Variants in SLIT2 observed in about 807,000 individuals in gnomAD.
SLIT2 encodes the protein slit guidance ligand 2.
Under a neutral mutation model 185.7 loss-of-function variants are expected in SLIT2, and 41 were observed. The observed-to-expected ratio is 0.22, with a 90% CI of 0.17 to 0.29. The LOEUF (loss-of-function observed/expected upper bound fraction) is 0.29, where lower values mean the gene tolerates loss of function less well. SLIT2 is among the 10% of genes least tolerant of loss of function. The pLI, the probability that SLIT2 is intolerant of heterozygous loss-of-function variation, is 1.00. For missense variants in SLIT2, 1,571 were observed against 1,909.0 expected (o/e 0.82, Z 3.30); for synonymous variants, 693 against 680.2 (o/e 1.02, Z -0.29).
chr4:20,347,238 T>G (rs906777921), intron 4 of SLIT2, among the ~76,000 whole-genome samples: 1 of 152,236 alleles, frequency 6.6e-6, no homozygotes, highest in Non-Finnish European at 1.5e-5. Context: ...GATGCTTCTC[T>G]GTTAGGTAAA....
At chr4:20,579,149 A>T (rs1417388302) in intron 29 of SLIT2, among the ~76,000 whole-genome samples, 2 of 151,924 alleles carry the variant, frequency 1.3e-5, no homozygotes, top group Non-Finnish European at 2.9e-5. Flanking sequence ...CAAAAAAAAA[A>T]ATCAGCTGGG....
intron 4 of SLIT2, among the ~76,000 whole-genome samples, chr4:20,385,815 A>G (rs1216307575): frequency 6.6e-6 from 1 of 152,122 alleles, no homozygotes; most frequent in African/African-American, 2.4e-5. Context: ...AATGAACACA[A>G]TTTTCATCTT....
chr4:20,395,359 G>T (rs61789404), intron 4 of SLIT2, among the ~76,000 whole-genome samples: 13,774 of 151,958 alleles, frequency 0.091, 693 homozygotes, highest in South Asian at 0.17. Context: ...GTTTTGTCAG[G>T]TACCTGCAGG....
chr4:20,281,084 C>T (rs776907159), intron 4 of SLIT2, among the ~76,000 whole-genome samples: 1 of 152,100 alleles, frequency 6.6e-6, no homozygotes, highest in Non-Finnish European at 1.5e-5. Context: ...CCGCCCGCCT[C>T]GGCCTCCCAA....
chr4:20,381,074 C>T (rs909899885), intron 4 of SLIT2, among the ~76,000 whole-genome samples: 1 of 151,724 alleles, frequency 6.6e-6, no homozygotes, highest in Admixed American at 6.6e-5. Context: ...GCCAACATGG[C>T]GAAACCCCGT....
intron 29 of SLIT2, among the ~76,000 whole-genome samples, chr4:20,581,417 A>G (rs915946551): frequency 1.1e-4 from 16 of 152,160 alleles, no homozygotes; most frequent in African/African-American, 3.1e-4. Flanking sequence ...GAGGGGCACA[A>G]TTGAATCCTC....
At chr4:20,284,067 G>A (rs1028064672) in intron 4 of SLIT2, among the ~76,000 whole-genome samples, 1 of 152,118 alleles carries the variant, frequency 6.6e-6, no homozygotes, top group Non-Finnish European at 1.5e-5. Context: ...AGTGAATGAG[G>A]GCCTTCCAAC....
At position 20,253,321 on chromosome 4, in the gene SLIT2, C is replaced by G. The variant is rs1203149429; in HGVS notation, c.-495C>G. 1 of 155,126 alleles carries G rather than the reference C, an allele frequency of 6.4e-6. No individual in the cohort carries two copies. Among genetic ancestry groups the G allele is most frequent in the Non-Finnish European group, 1.4e-5 (1 of 70,088 alleles). The allele number at this position is 155,126 out of a possible 1,614,324, so 9.6% of individuals were successfully genotyped here. Reference sequence around the variant, plus strand: ...CGCGCCTTCTAGCTTCCGGAGCCCACTTTGATCGGGGCCATAATACCTATT... The same window carrying G: ...CGCGCCTTCTAGCTTCCGGAGCCCAGTTTGATCGGGGCCATAATACCTATT... On this transcript the variant is annotated 5_prime_UTR_variant, in exon 1 of 37. Transcript: ENST00000504154.
In SLIT2 at chr4:20,563,824, G is replaced by A. The variant is rs1011741416; in HGVS notation, c.2726-3438G>A. 4.6e-5 allele frequency among the ~76,000 whole-genome samples: 7 copies of A among 151,488 alleles called. No individual in the cohort carries two copies. The South Asian group carries it at 1.2e-3, about 27-fold the overall frequency. On this transcript the variant is annotated intron_variant, in intron 26 of 36. Coordinates refer to ENST00000504154, the MANE Select transcript of SLIT2 (RefSeq NM_004787.4). ...CTAAGAAAGAGTGTCAGTACTTGCC[G>A]TAATTTTGTATTTGATCTCACTAGG... is the stretch of plus-strand genomic sequence containing the variant.
At chr4:20,271,210 T>C (rs2109033295) in intron 4 of SLIT2, among the ~76,000 whole-genome samples, 1 of 151,698 alleles carries the variant, frequency 6.6e-6, no homozygotes, top group South Asian at 2.1e-4. Context: ...AAACATATTT[T>C]TTTCACAAGA....
At chr4:20,614,926 A>G (rs1358507707) in intron 34 of SLIT2, 2 of 152,190 alleles carry the variant, frequency 1.3e-5, no homozygotes, top group East Asian at 3.9e-4. Flanking sequence ...TTTCATTTAC[A>G]AATTACTCTA....
At chr4:20,511,193 C>T (rs1293011821) in intron 11 of SLIT2, 56 bp downstream of exon 11, 7 of 1,019,958 alleles carry the variant, frequency 6.9e-6, no homozygotes, top group Non-Finnish European at 4.5e-6. Flanking sequence ...AGAGTGGCTA[C>T]CTTTTTTAAA....
chr4:20,575,191 C>T (rs531169337), intron 29 of SLIT2, among the ~76,000 whole-genome samples: 3 of 152,112 alleles, frequency 2.0e-5, no homozygotes, highest in Non-Finnish European at 4.4e-5. Context: ...TGTTTTAAAT[C>T]GCCATGTGGT....
intron 9 of SLIT2, among the ~76,000 whole-genome samples, chr4:20,503,712 A>C (rs922489532): frequency 2.6e-5 from 4 of 152,200 alleles, no homozygotes; most frequent in Admixed American, 6.5e-5. Context: ...TTAAATGCTT[A>C]AAGACCAAAT....
intron 24 of SLIT2, 55 bp downstream of exon 24, chr4:20,549,183 G>A: frequency 1.8e-6 from 2 of 1,106,674 alleles, no homozygotes; most frequent in Middle Eastern, 2.0e-4. Context: ...TGAGTTTGGG[G>A]TTGTCTTTTT....
chr4:20,450,626 A>T (rs2148713354), intron 4 of SLIT2, among the ~76,000 whole-genome samples: 1 of 152,348 alleles, frequency 6.6e-6, no homozygotes, highest in East Asian at 1.9e-4. Context: ...CTTCAATCCA[A>T]CTGGGTACAC....
chr4:20,567,024 C>T (rs529607852), intron 26 of SLIT2, among the ~76,000 whole-genome samples: 10 of 151,978 alleles, frequency 6.6e-5, no homozygotes, highest in African/African-American at 1.2e-4. Context: ...GATACCAACT[C>T]AGAGTCCCAC....
At chr4:20,292,315 G>C (rs971794534) in intron 4 of SLIT2, among the ~76,000 whole-genome samples, 13 of 152,266 alleles carry the variant, frequency 8.5e-5, no homozygotes, top group African/African-American at 3.1e-4. Context: ...TACTCAACGT[G>C]TGACTATTTA....
At chr4:20,356,711 T>C (rs949483860) in intron 4 of SLIT2, among the ~76,000 whole-genome samples, 1 of 152,172 alleles carries the variant, frequency 6.6e-6, no homozygotes, top group Non-Finnish European at 1.5e-5. Context: ...AGACTCCCCT[T>C]TAATGGATCT....
Sources: gnomAD v4.1 joint callset for allele counts (sites outside exome capture counted in the v4.1 genomes callset) on GRCh38, gnomAD v4.1.1 for gene constraint, MANE v1.5 for transcripts, NCBI Gene and HGNC (gene_info 2026-07-23, HGNC 2026-07-21) for gene names.